UNC5D: variants seen among roughly 807,000 people sequenced by gnomAD.
UNC5D encodes unc-5 netrin receptor D, also known as netrin receptor UNC5D.
Under a neutral mutation model 105.4 loss-of-function variants are expected in UNC5D, and 39 were observed. The ratio of observed to expected loss-of-function variants is 0.37; its 90% CI spans 0.29 to 0.48. The LOEUF is 0.48. Among genes scored for constraint, UNC5D ranks in the 20% least tolerant of loss-of-function variants. UNC5D has a pLI of 0.98. For missense variants in UNC5D, 991 were observed against 1,202.4 expected (o/e 0.82, Z 2.60); for synonymous variants, 452 against 450.4 (o/e 1.00, Z -0.04).
At chr8:35,516,908 A>G (rs1343210887) in intron 1 of UNC5D, among the ~76,000 whole-genome samples, 1 of 152,214 alleles carries the variant, frequency 6.6e-6, no homozygotes, top group East Asian at 1.9e-4. Context: ...TAGATATATC[A>G]TAAAGCAATA....
intron 1 of UNC5D, among the ~76,000 whole-genome samples, chr8:35,477,699 T>C (rs909318869): frequency 6.6e-6 from 1 of 152,106 alleles, no homozygotes; most frequent in Non-Finnish European, 1.5e-5. Context: ...TCGTGGCCCC[T>C]GAACTTAAGA....
intron 1 of UNC5D, among the ~76,000 whole-genome samples, chr8:35,517,783 AG>A (rs1425265829): frequency 6.6e-6 from 1 of 152,200 alleles, no homozygotes; most frequent in African/African-American, 2.4e-5. Context: ...TACAAACAAC[AG>A]AAATTTATTT....
At chr8:35,379,008 G>C (rs1221341426) in intron 1 of UNC5D, among the ~76,000 whole-genome samples, 1 of 152,208 alleles carries the variant, frequency 6.6e-6, no homozygotes, top group Non-Finnish European at 1.5e-5. Context: ...CAAAACCCTA[G>C]AAAGGATAGA....
At chr8:35,708,456 T>C (rs1369568367) in intron 8 of UNC5D, among the ~76,000 whole-genome samples, 1 of 152,216 alleles carries the variant, frequency 6.6e-6, no homozygotes, top group East Asian at 1.9e-4. Flanking sequence ...TAATCATAGT[T>C]AATAGAAACT....
At chr8:35,261,480 A>G (rs936917572) in intron 1 of UNC5D, among the ~76,000 whole-genome samples, 1 of 152,234 alleles carries the variant, frequency 6.6e-6, no homozygotes, top group African/African-American at 2.4e-5. Flanking sequence ...AACAATGTGC[A>G]TGTGGCATAA....
intron 2 of UNC5D, among the ~76,000 whole-genome samples, chr8:35,564,107 T>C (rs1817157310): frequency 6.6e-6 from 1 of 152,178 alleles, no homozygotes; most frequent in African/African-American, 2.4e-5. Flanking sequence ...ATCAGGGTAA[T>C]GCTGCTCTCA....
chr8:35,769,213 G>C (rs1454163748), intron 15 of UNC5D, among the ~76,000 whole-genome samples: 1 of 152,032 alleles, frequency 6.6e-6, no homozygotes, highest in Non-Finnish European at 1.5e-5. Flanking sequence ...GAACTTTCTT[G>C]TCCAAGATCA....
intron 1 of UNC5D, among the ~76,000 whole-genome samples, chr8:35,396,211 T>C (rs915436059): frequency 2.0e-5 from 3 of 152,094 alleles, no homozygotes; most frequent in African/African-American, 7.2e-5. Flanking sequence ...CCGTAACTAC[T>C]CTCAGGGTTG....
At chr8:35,369,288 A>G (rs1486110582) in intron 1 of UNC5D, among the ~76,000 whole-genome samples, 1 of 152,184 alleles carries the variant, frequency 6.6e-6, no homozygotes, top group Non-Finnish European at 1.5e-5. Flanking sequence ...CATCCTCACC[A>G]TCTAGAATTG....
Position 35,604,708 on chromosome 8 carries a change from C to T in UNC5D, c.570+9051C>T, listed in dbSNP as rs576107353. ...ATTAGACGTAGATTTGGTCTTTTCA[C>T]ATAGTCCCATATTTCTTGGAGGCTT... On this transcript the variant is annotated intron_variant, in intron 4 of 16. Coordinates refer to ENST00000404895, the MANE Select transcript of UNC5D (RefSeq NM_080872.4). 2.6e-5 allele frequency among the ~76,000 whole-genome samples: 4 copies of T among 152,318 alleles called. No individual in the cohort carries two copies. The South Asian group carries it at 8.3e-4, about 32-fold the overall frequency.
At chr8:35,766,562 A>T (rs1801777180) in intron 14 of UNC5D, among the ~76,000 whole-genome samples, 1 of 152,200 alleles carries the variant, frequency 6.6e-6, no homozygotes. Context: ...TTCCAAAGGA[A>T]AATATTTTCT....
In UNC5D at chr8:35,442,902, TCTCACA is replaced by T. The variant is rs774807735; in HGVS notation, c.104-106388_104-106383del. Reference sequence around the variant, plus strand: ...CTCTCTGTTTCTCTCTCTCTCTCTCTCTCACACACACACACACACACACACACACAC... The same window carrying T: ...CTCTCTGTTTCTCTCTCTCTCTCTCTCACACACACACACACACACACACAC... On this transcript the variant is annotated intron_variant, in intron 1 of 16. Coordinates refer to ENST00000404895, the MANE Select transcript of UNC5D (RefSeq NM_080872.4). Among the ~76,000 whole-genome samples the T allele has an allele frequency of 6.3e-3, 830 of 131,756 alleles. 11 individuals carry two copies. The highest frequency in any genetic ancestry group is 0.025 in the African/African-American group (785 of 31,962). 86.4% of individuals were successfully genotyped at this position (131,756 alleles called of 152,430 possible).
At chr8:35,320,418 C>G (rs1260744472) in intron 1 of UNC5D, among the ~76,000 whole-genome samples, 1 of 152,018 alleles carries the variant, frequency 6.6e-6, no homozygotes, top group Non-Finnish European at 1.5e-5. Flanking sequence ...AAGCTCTTAT[C>G]AGACATAAAA....
At chr8:35,406,533 A>G (rs1347813800) in intron 1 of UNC5D, among the ~76,000 whole-genome samples, 1 of 152,176 alleles carries the variant, frequency 6.6e-6, no homozygotes, top group Non-Finnish European at 1.5e-5. Context: ...TTGTAGGGTT[A>G]TTTGGTCTAA....
At chr8:35,534,137 T>G (rs995995843) in intron 1 of UNC5D, among the ~76,000 whole-genome samples, 1 of 152,234 alleles carries the variant, frequency 6.6e-6, no homozygotes, top group African/African-American at 2.4e-5. Context: ...AAAAGTCATT[T>G]GTAGGTCTCA....
chr8:35,308,433 A>T (rs1808608608), intron 1 of UNC5D, among the ~76,000 whole-genome samples: 1 of 152,048 alleles, frequency 6.6e-6, no homozygotes, highest in Admixed American at 6.6e-5. Flanking sequence ...AAGTCCAATT[A>T]ACAAATTTAT....
chr8:35,754,722 T>C (rs1340980575), intron 13 of UNC5D, among the ~76,000 whole-genome samples: 1 of 152,172 alleles, frequency 6.6e-6, no homozygotes, highest in East Asian at 1.9e-4. Flanking sequence ...CCTTTCCCTG[T>C]ACCCCCTACA....
intron 1 of UNC5D, among the ~76,000 whole-genome samples, chr8:35,543,284 T>TG (rs1381028846): frequency 6.6e-6 from 1 of 151,206 alleles, no homozygotes; most frequent in African/African-American, 2.5e-5. Flanking sequence ...TATTTCAAAG[T>TG]AATGTCCTCT....
intron 1 of UNC5D, among the ~76,000 whole-genome samples, chr8:35,540,216 AT>A (rs772214602): frequency 1.3e-5 from 2 of 152,218 alleles, no homozygotes; most frequent in Non-Finnish European, 2.9e-5. Context: ...TAAACAATTT[AT>A]AAACTCCATC....
Sources: gnomAD v4.1 joint callset for allele counts (sites outside exome capture counted in the v4.1 genomes callset) on GRCh38, gnomAD v4.1.1 for gene constraint, MANE v1.5 for transcripts, NCBI Gene and HGNC (gene_info 2026-07-23, HGNC 2026-07-21) for gene names.